Variants in RFC3 observed in about 807,000 individuals in gnomAD.
The protein encoded by RFC3 is replication factor C subunit 3, also known as A1 38 kDa subunit.
In RFC3, 41 loss-of-function variants were observed where a neutral mutation model predicts 45.1. The observed-to-expected ratio is 0.91, with a 90% CI of 0.71 to 1.18. The LOEUF (loss-of-function observed/expected upper bound fraction) is 1.18. RFC3 is among the 50% of genes most tolerant of loss of function. RFC3 has a pLI of 0.00. For missense variants in RFC3, 423 were observed against 428.1 expected, an observed-to-expected ratio of 0.99 and a Z score of 0.10; for synonymous variants, 149 against 144.0, an observed-to-expected ratio of 1.03 and a Z score of -0.25.
At chr13:33,963,576 C>T (rs894194637) in intron 8 of RFC3, among the ~76,000 whole-genome samples, 9 of 150,584 alleles carry the variant, frequency 6.0e-5, no homozygotes, top group African/African-American at 2.0e-4. Context: ...TTTCCCTACT[C>T]ACATGCCTGA....
intron 8 of RFC3, among the ~76,000 whole-genome samples, chr13:33,893,202 C>A (rs2082574574): frequency 6.6e-6 from 1 of 152,100 alleles, no homozygotes; most frequent in South Asian, 2.1e-4. Flanking sequence ...TTCCACAGGA[C>A]CCCTGGGCAT....
At chr13:33,893,146 C>T (rs1459043450) in intron 8 of RFC3, among the ~76,000 whole-genome samples, 2 of 152,084 alleles carry the variant, frequency 1.3e-5, no homozygotes, top group Admixed American at 6.6e-5. Flanking sequence ...AAGGGAGATG[C>T]CAAATCAGAG....
chr13:33,886,067 CCTGA>C (rs888955734), intron 8 of RFC3, among the ~76,000 whole-genome samples: 3 of 151,908 alleles, frequency 2.0e-5, no homozygotes, highest in African/African-American at 7.3e-5. Context: ...TTCTCAACTG[CCTGA>C]CTCTCTTCTT....
At chr13:33,916,243 T>TA (rs1443365269) in intron 8 of RFC3, among the ~76,000 whole-genome samples, 1 of 152,206 alleles carries the variant, frequency 6.6e-6, no homozygotes, top group Non-Finnish European at 1.5e-5. Context: ...GAGCCACTCT[T>TA]ACCATCTGCC....
At chr13:33,977,188 G>A in the RFC3 span, among the ~76,000 whole-genome samples, 1 of 152,112 alleles carries the variant, frequency 6.6e-6, no homozygotes, top group Admixed American at 6.6e-5. Context: ...GGTGACTAAT[G>A]CATGATGTAT....
Position 33,830,015 on chromosome 13 carries a change from G to C in RFC3, c.571G>C (p.Asp191His), listed in dbSNP as rs758184476. 8 of 1,612,878 alleles carry C rather than the reference G, an allele frequency of 5.0e-6. No homozygotes were observed. In the South Asian group the frequency reaches 6.6e-5, roughly 13 times the overall value. Residue 191 changes from aspartate to histidine, a missense_variant and splice_region_variant, in exon 5 of 9, where the codon GAT becomes CAT. Coordinates refer to ENST00000380071, the MANE Select transcript of RFC3 (RefSeq NM_002915.4). Reference sequence around the variant, plus strand: ...TCGTGTGCCTGCTCCCAGCATTGAAGATGTAGGTCAAGTTACACTTTTCTG... The same window carrying C: ...TCGTGTGCCTGCTCCCAGCATTGAACATGTAGGTCAAGTTACACTTTTCTG... ...AVRVPAPSIEDICHVLSTVCK... is the reference protein window; with the variant it reads ...AVRVPAPSIEHICHVLSTVCK...
intron 8 of RFC3, among the ~76,000 whole-genome samples, chr13:33,905,891 C>A (rs1307480891): frequency 6.6e-6 from 1 of 152,046 alleles, no homozygotes. Context: ...TATCTATGTG[C>A]TAATAGGAAG....
chr13:33,902,457 A>G (rs1315982925), intron 8 of RFC3, among the ~76,000 whole-genome samples: 1 of 152,122 alleles, frequency 6.6e-6, no homozygotes, highest in Non-Finnish European at 1.5e-5. Context: ...CTTATTAATT[A>G]TATGGAAATC....
At chr13:33,972,926 C>A in the RFC3 span, among the ~76,000 whole-genome samples, 1 of 152,130 alleles carries the variant, frequency 6.6e-6, no homozygotes, top group Non-Finnish European at 1.5e-5. Context: ...ACCTACCTTG[C>A]AGAAGGGCAT....
intron 8 of RFC3, among the ~76,000 whole-genome samples, chr13:33,874,442 T>A (rs1408505218): frequency 2.6e-5 from 4 of 152,190 alleles, no homozygotes; most frequent in Non-Finnish European, 5.9e-5. Flanking sequence ...CTCAGCCTCC[T>A]GTGTAGCTGG....
intron 8 of RFC3, among the ~76,000 whole-genome samples, chr13:33,948,770 T>C (rs926070625): frequency 5.9e-5 from 9 of 152,164 alleles, no homozygotes; most frequent in Non-Finnish European, 1.2e-4. Flanking sequence ...GACTACCCTA[T>C]TGGATTTTGG....
rs551795261 is a variant in RFC3, at chr13:33,897,251, A to C, written c.879+62034A>C. On this transcript the variant is annotated intron_variant, in intron 8 of 8. Coordinates refer to the RFC3 transcript ENST00000434425. ...AAATATGTAAATTGGGACAAGAGTC[A>C]AAATGTGGGGGAATGAAGTTACATT... Among the ~76,000 whole-genome samples the C allele has an allele frequency of 1.6e-4, 25 of 151,936 alleles. No homozygotes were observed. The South Asian group carries it at 5.2e-3, about 32-fold the overall frequency.
chr13:33,926,705 G>A (rs1208170713), intron 8 of RFC3, among the ~76,000 whole-genome samples: 1 of 151,454 alleles, frequency 6.6e-6, no homozygotes, highest in Non-Finnish European at 1.5e-5. Context: ...CCATATGAAA[G>A]AAATAAAGTT....
intron 3 of RFC3, among the ~76,000 whole-genome samples, chr13:33,824,910 A>G (rs2082035147): frequency 6.6e-6 from 1 of 152,160 alleles, no homozygotes; most frequent in Non-Finnish European, 1.5e-5. Flanking sequence ...TCCAGATACA[A>G]ATGGAGAATG....
intron 8 of RFC3, among the ~76,000 whole-genome samples, chr13:33,873,404 G>A (rs1223535065): frequency 6.6e-6 from 1 of 152,182 alleles, no homozygotes; most frequent in Non-Finnish European, 1.5e-5. Context: ...CAAAGCGCCT[G>A]TTTTTCAACT....
At chr13:33,958,163 T>G (rs1298098966) in intron 8 of RFC3, among the ~76,000 whole-genome samples, 1 of 152,218 alleles carries the variant, frequency 6.6e-6, no homozygotes, top group South Asian at 2.1e-4. Flanking sequence ...AGTTAAGACA[T>G]CAAAGTAGGT....
intron 8 of RFC3, among the ~76,000 whole-genome samples, chr13:33,888,616 TGTA>T (rs2082542671): frequency 6.6e-6 from 1 of 152,204 alleles, no homozygotes; most frequent in Non-Finnish European, 1.5e-5. Context: ...ATGAAAGTTT[TGTA>T]TAGTAAAAAT....
chr13:33,845,784 T>C (rs1269309505), intron 8 of RFC3, among the ~76,000 whole-genome samples: 1 of 152,234 alleles, frequency 6.6e-6, no homozygotes, highest in Admixed American at 6.5e-5. Context: ...TGATACCTTA[T>C]GTAGTTTGTT....
intron 8 of RFC3, among the ~76,000 whole-genome samples, chr13:33,879,504 C>G (rs2082468477): frequency 6.6e-6 from 1 of 152,008 alleles, no homozygotes; most frequent in Admixed American, 6.6e-5. Context: ...AATTTTGAAG[C>G]TTCAAAGTCT....
Sources: gnomAD v4.1 joint callset for allele counts (sites outside exome capture counted in the v4.1 genomes callset) on GRCh38, gnomAD v4.1.1 for gene constraint, MANE v1.5 for transcripts, NCBI Gene and HGNC (gene_info 2026-07-23, HGNC 2026-07-21) for gene names.